H2BW1: variants seen among roughly 807,000 people sequenced by gnomAD.
H2BW1 encodes the protein H2B.W histone 1, also known as histone H2B type W-T.
In H2BW1, 9 loss-of-function variants were observed where a neutral mutation model predicts 8.0. The ratio of observed to expected loss-of-function variants is 1.13; its 90% CI spans 0.68 to 1.97. The LOEUF is 1.97. Among genes scored for constraint, H2BW1 ranks in the 30% most tolerant of loss-of-function variants. H2BW1 has a pLI of 0.00. For missense variants in H2BW1, 137 were observed against 132.0 expected (o/e 1.04, Z -0.19); for synonymous variants, 58 against 54.7 (o/e 1.06, Z -0.26).
Position 104,013,284 on chromosome X carries a change from C to A in H2BW1, c.293G>T (p.Arg98Leu), listed in dbSNP as rs139653087. The change falls in exon 1 of 3, where the codon CGC becomes CTC. Residue 98 changes from arginine to leucine, a missense_variant. Arg to Leu is a moderately radical substitution (Grantham distance 102, BLOSUM62 -2). Coordinates refer to ENST00000217926, the MANE Select transcript of H2BW1 (RefSeq NM_001002916.5). ...RIATEAGHLA[R>L]STKRQTITAW... The stretch of plus-strand genomic sequence containing the variant: ...AGTGATGGTCTGGCGCTTGGTGGAG[C>A]GGGCCAGGTGACCAGCCTCGGTGGC... 3.5e-5 allele frequency: 42 copies of A among 1,210,502 alleles called. No homozygotes were observed. In the African/African-American group the frequency reaches 6.4e-4, roughly 19 times the overall value.
intron 2 of H2BW1, 25 bp downstream of exon 2, chrX:104,012,665 T>G: frequency 8.3e-7 from 1 of 1,211,271 alleles, no homozygotes; most frequent in Non-Finnish European, 1.1e-6. Context: ...ATGGGAGCGG[T>G]GTTGAAAACA....
At chrX:104,011,775 G>A (rs782420121) in intron 2 of H2BW1, among the ~76,000 whole-genome samples, 12 of 112,241 alleles carry the variant, frequency 1.1e-4, no homozygotes, top group Non-Finnish European at 1.9e-4. Context: ...TTGACTGAGA[G>A]TGTCACCCTT....
Position 104,013,618 on chromosome X carries a change from C to G in H2BW1, c.-42G>C. ...ATTAGATGGCACGACCAGACAATGG[C>G]GGTTGTGGACCGGGGAAGCCGGGGC... is the stretch of plus-strand genomic sequence containing the variant. On this transcript the variant is annotated 5_prime_UTR_variant, in exon 1 of 3. Coordinates refer to ENST00000217926, the MANE Select transcript of H2BW1 (RefSeq NM_001002916.5). 7.4e-6 allele frequency: 9 copies of G among 1,209,070 alleles called. No individual in the cohort carries two copies. The highest frequency in any genetic ancestry group is 1.0e-5 in the Non-Finnish European group (9 of 894,075).
intron 2 of H2BW1, 104 bp downstream of exon 2, chrX:104,012,586 C>CGGTGGTCGCCGTATCA: frequency 8.9e-7 from 1 of 1,123,453 alleles, no homozygotes. Flanking sequence ...TGAACGGATT[C>CGGTGGTCGCCGTATCA]TTGAAAATTT....
At chrX:104,012,868 G>A (rs1302783892) in intron 1 of H2BW1, 120 bp from the exon 2 acceptor site, 24 of 1,050,131 alleles carry the variant, frequency 2.3e-5, no homozygotes, top group East Asian at 1.3e-4. Flanking sequence ...GACCGTTTAC[G>A]AAACTGAGGA....
intron 2 of H2BW1, 119 bp downstream of exon 2, chrX:104,012,571 G>T: frequency 9.3e-7 from 1 of 1,070,070 alleles, no homozygotes; most frequent in East Asian, 3.2e-5. Context: ...GAGGAAGCTG[G>T]AAAATGAACG....
chrX:104,012,665 T>C, intron 2 of H2BW1, 25 bp downstream of exon 2: 1 of 1,211,271 alleles, frequency 8.3e-7, no homozygotes, highest in Non-Finnish European at 1.1e-6. Context: ...ATGGGAGCGG[T>C]GTTGAAAACA....
In H2BW1 at chrX:104,013,309, C is replaced by G; in HGVS notation, c.268G>C (p.Ala90Pro). The change falls in exon 1 of 3, where the codon GCC becomes CCC. Residue 90 changes from alanine to proline, a missense_variant. Coordinates refer to ENST00000217926, the MANE Select transcript of H2BW1 (RefSeq NM_001002916.5). ...SLVHDILDRI[A>P]TEAGHLARST... Reference sequence around the variant, plus strand: ...CGGGCCAGGTGACCAGCCTCGGTGGCGATGCGGTCCAATATGTCATGAACC... The same window carrying G: ...CGGGCCAGGTGACCAGCCTCGGTGGGGATGCGGTCCAATATGTCATGAACC... 1 of 1,211,739 alleles carries G rather than the reference C, an allele frequency of 8.3e-7. No individual in the cohort carries two copies. Among genetic ancestry groups the G allele is most frequent in the Non-Finnish European group, 1.1e-6 (1 of 895,549 alleles).
chrX:104,012,845 A>G, intron 1 of H2BW1, 97 bp from the exon 2 acceptor site: 1 of 1,128,963 alleles, frequency 8.9e-7, no homozygotes. Context: ...CTAGAAACAT[A>G]ACTAACAAAA....
At chrX:104,012,213 C>A (rs1378175419) in intron 2 of H2BW1, among the ~76,000 whole-genome samples, 1 of 112,433 alleles carries the variant, frequency 8.9e-6, no homozygotes, top group Non-Finnish European at 1.9e-5. Context: ...CTACTCCTAG[C>A]ACTGGATTCA....
rs1372913053 is a variant in H2BW1, at chrX:104,013,470, C to T, written c.107G>A (p.Arg36Gln). ...GCACCTGCGGGGCCCATGGCGCCCT[C>T]GCTTCCTCTGCTTGCTCTGCTTCTG... The part of the protein sequence containing the change: ...TSQKQSKQRK[R>Q]GRHGPRRCHS... The change falls in exon 1 of 3, where the codon CGA becomes CAA. Residue 36 changes from arginine to glutamine, a missense_variant. Coordinates refer to ENST00000217926, the MANE Select transcript of H2BW1 (RefSeq NM_001002916.5). 1.2e-5 allele frequency: 15 copies of T among 1,211,960 alleles called. No individual in the cohort carries two copies. Among genetic ancestry groups the T allele is most frequent in the South Asian group, 5.3e-5 (3 of 56,970 alleles).
intron 2 of H2BW1, 51 bp downstream of exon 2, chrX:104,012,639 T>C (rs1183335152): frequency 1.7e-6 from 2 of 1,205,949 alleles, no homozygotes; most frequent in Admixed American, 2.2e-5. Flanking sequence ...CATTTGCTTA[T>C]TTACATGGAT....
At position 104,013,259 on chromosome X, in the gene H2BW1, A is replaced by G; in HGVS notation, c.318T>C (p.Thr106=). ...GCACAGCCATCCGGGTCTCCCAGGCAGTGATGGTCTGGCGCTTGGTGGAGC... is the reference window on the plus strand; with the variant it reads ...GCACAGCCATCCGGGTCTCCCAGGCGGTGATGGTCTGGCGCTTGGTGGAGC... ...LARSTKRQTI[T]AWETRMAVRL... The change falls in exon 1 of 3, where the codon ACT becomes ACC. Residue 106 remains threonine (T), a synonymous_variant. Transcript: ENST00000217926. 8.2e-7 allele frequency: 1 copy of G among 1,212,160 alleles called. No homozygotes were observed.
At chrX:104,012,926 C>T (rs1556337582) in intron 1 of H2BW1, among the ~76,000 whole-genome samples, 178 bp from the exon 2 acceptor site, 2 of 112,655 alleles carry the variant, frequency 1.8e-5, no homozygotes, top group Admixed American at 1.9e-4. Context: ...TTGGAGCAAA[C>T]TGCACTACAG....
intron 1 of H2BW1, 94 bp from the exon 2 acceptor site, chrX:104,012,842 C>G: frequency 8.8e-7 from 1 of 1,130,256 alleles, no homozygotes; most frequent in Non-Finnish European, 1.2e-6. Flanking sequence ...AGCCTAGAAA[C>G]ATAACTAACA....
chrX:104,013,606 AC>A lies in H2BW1; in HGVS notation c.-31del, dbSNP rs1569453124. ...GAGGCAGTGGCCATTAGATGGCACG[AC>A]CAGACAATGGCGGTTGTGGACCGGG... On this transcript the variant is annotated 5_prime_UTR_variant, in exon 1 of 3. It introduces an in-frame stop codon into an upstream open reading frame of the 5' UTR. Coordinates refer to ENST00000217926, the MANE Select transcript of H2BW1 (RefSeq NM_001002916.5). 2 of 1,210,958 alleles carry A rather than the reference AC, an allele frequency of 1.7e-6. No individual in the cohort carries two copies. Among genetic ancestry groups the A allele is most frequent in the Non-Finnish European group, 2.2e-6 (2 of 895,012 alleles).
rs2075129129 is a variant in H2BW1 at position 104,012,606 on chromosome X, G to A, written c.*22+84C>T. On this transcript the variant is annotated intron_variant, in intron 2 of 2. Coordinates refer to ENST00000217926, the MANE Select transcript of H2BW1 (RefSeq NM_001002916.5). ...GGATTCTTGAAAATTTTATTTAGCT[G>A]TATGTACACTGTAACTTGGCCTCAT... 4.2e-6 allele frequency: 5 copies of A among 1,185,970 alleles called. No homozygotes were observed. In the Admixed American group the frequency reaches 1.1e-4, roughly 27 times the overall value.
chrX:104,012,663 G>T, intron 2 of H2BW1, 27 bp downstream of exon 2: 1 of 1,210,266 alleles, frequency 8.3e-7, no homozygotes, highest in Non-Finnish European at 1.1e-6. Flanking sequence ...TGATGGGAGC[G>T]GTGTTGAAAA....
intron 2 of H2BW1, among the ~76,000 whole-genome samples, chrX:104,011,813 G>A (rs2075127183): frequency 8.9e-6 from 1 of 111,927 alleles, no homozygotes; most frequent in African/African-American, 3.3e-5. Context: ...GAAGGAGAAA[G>A]GTTGTTTATG....
Sources: allele counts gnomAD v4.1 joint callset (sites outside exome capture counted in the v4.1 genomes callset), GRCh38; gene constraint gnomAD v4.1.1; transcripts MANE v1.5; gene names NCBI Gene and HGNC (gene_info 2026-07-23, HGNC 2026-07-21).